CERS4: variants seen among roughly 807,000 people sequenced by gnomAD.
CERS4 encodes ceramide synthase 4.
Under a neutral mutation model 51.8 loss-of-function variants are expected in CERS4, and 65 were observed. The ratio of observed to expected loss-of-function variants is 1.26; its 90% CI spans 1.03 to 1.54. CERS4 has a LOEUF of 1.54. CERS4 is among the 40% of genes most tolerant of loss of function. The probability of loss-of-function intolerance (pLI) is 0.00; values close to 1 mark genes in which losing one functional copy is unlikely to be tolerated. For missense variants in CERS4, 563 were observed against 500.4 expected (o/e 1.13, Z -1.19); for synonymous variants, 228 against 208.4 (o/e 1.09, Z -0.81).
intron 2 of CERS4, among the ~76,000 whole-genome samples, chr19:8,250,031 G>A (rs930658563): frequency 1.3e-5 from 2 of 152,038 alleles, no homozygotes; most frequent in African/African-American, 4.8e-5. Flanking sequence ...CTGGAGTGCA[G>A]TGGCATGATC....
intron 2 of CERS4, among the ~76,000 whole-genome samples, chr19:8,211,932 G>GTT: frequency 6.6e-6 from 1 of 151,604 alleles, no homozygotes; most frequent in South Asian, 2.1e-4. Context: ...CATGCCTGGG[G>GTT]TCAGGGGGAG....
intron 2 of CERS4, among the ~76,000 whole-genome samples, chr19:8,213,731 C>T (rs62126386): frequency 0.11 from 17,329 of 151,912 alleles, 1,154 homozygotes; most frequent in South Asian, 0.25. Flanking sequence ...TTTGAGAGGC[C>T]GAGGCGGGCA....
chr19:8,238,524 A>C, intron 2 of CERS4: 1 of 985,368 alleles, frequency 1.0e-6, no homozygotes, highest in Non-Finnish European at 1.2e-6. Context: ...CAGAGCTTGA[A>C]TAGAACTGCA....
intron 2 of CERS4, among the ~76,000 whole-genome samples, chr19:8,213,918 A>T (rs2145155316): frequency 6.6e-6 from 1 of 152,288 alleles, no homozygotes; most frequent in South Asian, 2.1e-4. Flanking sequence ...GTGAGCCAAG[A>T]TCGCACTACT....
At chr19:8,261,360 A>G (rs36258) in intron 10 of CERS4, 158,608 of 294,046 alleles carry the variant, frequency 0.54, 45,381 homozygotes, top group African/African-American at 0.73. Context: ...CTGCTGATGA[A>G]GGGGAGGTGA....
At position 8,254,539 on chromosome 19, in the gene CERS4, G is replaced by A. The variant is rs767403325; in HGVS notation, c.214G>A (p.Asp72Asn). The A allele has an allele frequency of 3.1e-6, 5 of 1,613,648 alleles. No homozygotes were observed. Among genetic ancestry groups the A allele is most frequent in the Admixed American group, 3.3e-5 (2 of 59,976 alleles). ...CCTGAGCCGGTGGCTGGGTGTGAGG[G>A]ATCAGACCAGGAGGCAAGTGAAGCC... The part of the protein sequence containing the change: ...LPLSRWLGVR[D>N]QTRRQVKPNA... The change falls in exon 4 of 12, where the codon GAT becomes AAT. Residue 72 changes from aspartate (D) to asparagine (N), a missense_variant. By Grantham distance (23) the Asp-to-Asn change is conservative. Coordinates refer to ENST00000251363, the MANE Select transcript of CERS4 (RefSeq NM_024552.3).
chr19:8,256,605 T>C lies in CERS4; in HGVS notation c.520-13T>C. 1.9e-6 allele frequency: 3 copies of C among 1,607,100 alleles called. No individual in the cohort carries two copies. Among genetic ancestry groups the C allele is most frequent in the Non-Finnish European group, 1.7e-6 (2 of 1,177,166 alleles). On this transcript the variant is annotated splice_polypyrimidine_tract_variant and intron_variant, in intron 7 of 11. Transcript: ENST00000251363. ...TCGCTCCCCACAGCTAACCTTGTCCTGTCCTGCTGCAGACTCTGAAGCCAT... is the reference window on the plus strand; with the variant it reads ...TCGCTCCCCACAGCTAACCTTGTCCCGTCCTGCTGCAGACTCTGAAGCCAT...
chr19:8,252,784 A>G (rs930687344), intron 3 of CERS4, among the ~76,000 whole-genome samples: 6 of 152,146 alleles, frequency 3.9e-5, no homozygotes, highest in Admixed American at 6.6e-5. Context: ...CATGTTGCCC[A>G]GGTTGGTCTT....
chr19:8,237,404 A>C (rs540794893), intron 2 of CERS4, among the ~76,000 whole-genome samples: 1 of 152,180 alleles, frequency 6.6e-6, no homozygotes, highest in East Asian at 1.9e-4. Context: ...ACACAAAAAA[A>C]GTTAGCCACG....
intron 2 of CERS4, among the ~76,000 whole-genome samples, chr19:8,236,638 C>T (rs983944481): frequency 6.9e-6 from 1 of 144,062 alleles, no homozygotes; most frequent in Non-Finnish European, 1.5e-5. Flanking sequence ...GTGATCTCGC[C>T]ACGGCACTCT....
chr19:8,262,376 G>C lies in CERS4; in HGVS notation c.*267G>C, dbSNP rs953560948. ...CCAGGCTGTGGCCTGGGGGCTGGGG[G>C]GAGCCCCAGGCTGAAAAGGGTCCAA... On this transcript the variant is annotated 3_prime_UTR_variant, in exon 12 of 12. Transcript: ENST00000251363. The C allele has an allele frequency of 5.2e-6, 2 of 387,138 alleles. No homozygotes were observed. The highest frequency in any genetic ancestry group is 4.1e-5 in the African/African-American group (2 of 48,376). The allele number at this position is 387,138 out of a possible 1,614,324, so 24.0% of individuals were successfully genotyped here.
chr19:8,235,015 T>TTTTC (rs1307158649), intron 2 of CERS4, among the ~76,000 whole-genome samples: 1 of 148,654 alleles, frequency 6.7e-6, no homozygotes, highest in Non-Finnish European at 1.5e-5. Context: ...TTCTTTCTTT[T>TTTTC]TTTTTTTTTT....
At chr19:8,256,549 C>T (rs1012559810) in intron 7 of CERS4, 69 bp from the exon 8 acceptor site, 4 of 1,429,076 alleles carry the variant, frequency 2.8e-6, no homozygotes, top group Non-Finnish European at 3.9e-6. Context: ...CGGAGTGGGC[C>T]CGGAGCCATA....
At chr19:8,248,077 A>G (rs1968869151) in intron 2 of CERS4, among the ~76,000 whole-genome samples, 1 of 152,080 alleles carries the variant, frequency 6.6e-6, no homozygotes, top group Non-Finnish European at 1.5e-5. Flanking sequence ...GCGCCTCCTT[A>G]GAGAGCCTCT....
At chr19:8,226,712 A>G (rs1967803286) in intron 2 of CERS4, among the ~76,000 whole-genome samples, 1 of 151,854 alleles carries the variant, frequency 6.6e-6, no homozygotes, top group Non-Finnish European at 1.5e-5. Context: ...TCAAGACCAG[A>G]CTGGGCACAG....
chr19:8,239,414 A>G (rs1183696405), intron 2 of CERS4: 2 of 151,774 alleles, frequency 1.3e-5, no homozygotes, highest in Non-Finnish European at 2.9e-5. Flanking sequence ...AAAAAAAAGA[A>G]AAAGAAAAAA....
At chr19:8,237,559 G>A (rs1173775627) in intron 2 of CERS4, among the ~76,000 whole-genome samples, 2 of 151,122 alleles carry the variant, frequency 1.3e-5, no homozygotes. Flanking sequence ...CAAAAAAACA[G>A]AAAAAAGTAG....
intron 3 of CERS4, among the ~76,000 whole-genome samples, chr19:8,252,380 A>AG (rs1969132301): frequency 6.7e-6 from 1 of 149,798 alleles, no homozygotes; most frequent in African/African-American, 2.5e-5. Flanking sequence ...AAAAAAAAAA[A>AG]GAACAAAAGC....
At chr19:8,238,890 G>C (rs1968391553) in intron 2 of CERS4, among the ~76,000 whole-genome samples, 1 of 152,030 alleles carries the variant, frequency 6.6e-6, no homozygotes, top group African/African-American at 2.4e-5. Context: ...CTCAAGACCA[G>C]GAGTGCAAGA....
Sources: allele counts gnomAD v4.1 joint callset (sites outside exome capture counted in the v4.1 genomes callset), GRCh38; gene constraint gnomAD v4.1.1; transcripts MANE v1.5; gene names NCBI Gene and HGNC (gene_info 2026-07-23, HGNC 2026-07-21).